The following RFC3 variants were observed in gnomAD, a reference collection of about 807,000 sequenced individuals.
The protein encoded by RFC3 is replication factor C subunit 3.
RFC3 carries 41 observed loss-of-function variants against 45.1 expected under a neutral mutation model. The observed-to-expected ratio is 0.91, with a 90% CI of 0.71 to 1.18. RFC3 has a LOEUF of 1.18. Ranked by LOEUF, RFC3 falls within the 50% of genes most tolerant of loss-of-function variation. The pLI is 0.00. For synonymous variants in RFC3, 149 were observed against 144.0 expected (o/e 1.03, Z -0.25); for missense variants, 423 against 428.1 (o/e 0.99, Z 0.10).
chr13:33,843,608 C>T (rs1257400143), intron 8 of RFC3, among the ~76,000 whole-genome samples: 2 of 152,168 alleles, frequency 1.3e-5, no homozygotes, highest in African/African-American at 4.8e-5. Flanking sequence ...TTATGTGAGG[C>T]ACTATGCTAG....
chr13:33,829,298 TGTCTTCCAAA>T (rs1277405406), intron 4 of RFC3, among the ~76,000 whole-genome samples: 3 of 152,226 alleles, frequency 2.0e-5, no homozygotes, highest in African/African-American at 7.2e-5. Flanking sequence ...CTTGCACCAC[TGTCTTCCAAA>T]GTCTATTCCT....
chr13:33,827,553 T>C (rs1047915341), intron 4 of RFC3, among the ~76,000 whole-genome samples: 2 of 152,218 alleles, frequency 1.3e-5, no homozygotes, highest in Non-Finnish European at 2.9e-5. Flanking sequence ...TAATAATACC[T>C]GATTACAATT....
At chr13:33,958,286 G>T (rs181519638) in intron 8 of RFC3, among the ~76,000 whole-genome samples, 2 of 152,200 alleles carry the variant, frequency 1.3e-5, no homozygotes, top group Admixed American at 1.3e-4. Flanking sequence ...GGGCCAGGCC[G>T]TTTGGAGTGT....
At chr13:33,900,603 A>G (rs1235011188) in intron 8 of RFC3, among the ~76,000 whole-genome samples, 1 of 151,840 alleles carries the variant, frequency 6.6e-6, no homozygotes, top group African/African-American at 2.4e-5. Flanking sequence ...CTGGGGAAAC[A>G]CTCTAAGACA....
At chr13:33,885,978 T>C (rs2082518905) in intron 8 of RFC3, among the ~76,000 whole-genome samples, 1 of 151,926 alleles carries the variant, frequency 6.6e-6, no homozygotes, top group African/African-American at 2.4e-5. Context: ...GACATACAGG[T>C]AGATTTTCTG....
intron 8 of RFC3, among the ~76,000 whole-genome samples, chr13:33,866,335 C>A (rs1242042866): frequency 2.6e-5 from 4 of 152,156 alleles, no homozygotes; most frequent in Non-Finnish European, 5.9e-5. Flanking sequence ...GAGACCCAAG[C>A]AAGTACTAGC....
At chr13:33,869,026 A>G (rs1406872831) in intron 8 of RFC3, among the ~76,000 whole-genome samples, 1 of 152,186 alleles carries the variant, frequency 6.6e-6, no homozygotes, top group African/African-American at 2.4e-5. Context: ...GGCAGTGGCT[A>G]GTGTCAGAAT....
chr13:33,855,732 G>A (rs1454183507), intron 8 of RFC3, among the ~76,000 whole-genome samples: 1 of 152,106 alleles, frequency 6.6e-6, no homozygotes, highest in Non-Finnish European at 1.5e-5. Context: ...GATCAGTGAT[G>A]CTGAACTTTT....
intron 8 of RFC3, among the ~76,000 whole-genome samples, chr13:33,876,253 A>C (rs1455707189): frequency 6.6e-6 from 1 of 152,228 alleles, no homozygotes; most frequent in Non-Finnish European, 1.5e-5. Context: ...ATACAGCTGA[A>C]GATACAGCTG....
At chr13:33,903,678 C>T (rs528681509) in intron 8 of RFC3, among the ~76,000 whole-genome samples, 2 of 152,088 alleles carry the variant, frequency 1.3e-5, no homozygotes, top group African/African-American at 4.8e-5. Context: ...TGAGATTTAG[C>T]CCAGACCTTT....
At chr13:33,847,411 G>A (rs538991045) in intron 8 of RFC3, 1 of 152,200 alleles carries the variant, frequency 6.6e-6, no homozygotes, top group South Asian at 2.1e-4. Flanking sequence ...CGGTGGGGGA[G>A]GGGGATAATC....
In RFC3 at chr13:33,836,342, A is replaced by G. The variant is rs749457194; in HGVS notation, c.*47A>G. On this transcript the variant is annotated 3_prime_UTR_variant, in exon 9 of 9. Coordinates refer to ENST00000380071, the MANE Select transcript of RFC3 (RefSeq NM_002915.4). ...AAGATTTCTCAGTATCAGTATTTAC[A>G]TACAGCTTATATTAAAAGAGCTGTG... 3.8e-6 allele frequency: 6 copies of G among 1,591,500 alleles called. No individual in the cohort carries two copies. The highest frequency in any genetic ancestry group is 2.2e-5 in the South Asian group (2 of 89,348).
chr13:33,829,387 A>G (rs1219564067), intron 4 of RFC3, among the ~76,000 whole-genome samples: 2 of 152,228 alleles, frequency 1.3e-5, no homozygotes, highest in Non-Finnish European at 2.9e-5. Flanking sequence ...TTTTGGGGAA[A>G]TGCAGCACAG....
intron 8 of RFC3, among the ~76,000 whole-genome samples, chr13:33,938,184 C>CAAAAAAAAAAAAAAAAAAAAAAAAAAAA (rs34685731): frequency 2.8e-5 from 2 of 70,782 alleles, no homozygotes; most frequent in African/African-American, 5.8e-5. Flanking sequence ...AGTCCAACTG[C>CAAAAAAAAAAAAAAAAAAAAAAAAAAAA]AAAAAAAAAA....
intron 8 of RFC3, among the ~76,000 whole-genome samples, chr13:33,862,283 T>C (rs906254290): frequency 4.7e-4 from 65 of 137,490 alleles, no homozygotes; most frequent in East Asian, 1.0e-3. Context: ...GTCTGACACT[T>C]TATTTAGGTT....
At chr13:33,910,552 G>T (rs1208879625) in intron 8 of RFC3, among the ~76,000 whole-genome samples, 3 of 152,046 alleles carry the variant, frequency 2.0e-5, no homozygotes, top group Non-Finnish European at 4.4e-5. Flanking sequence ...ATCACCGAAG[G>T]CTTTCTGGAA....
intron 8 of RFC3, among the ~76,000 whole-genome samples, chr13:33,872,669 G>A (rs1014671210): frequency 6.6e-6 from 1 of 152,102 alleles, no homozygotes; most frequent in Non-Finnish European, 1.5e-5. Flanking sequence ...GGAGGTGGAG[G>A]TTGCGGTGAG....
intron 4 of RFC3, 72 bp from the exon 5 acceptor site, chr13:33,829,764 G>C: frequency 1.7e-6 from 2 of 1,158,766 alleles, no homozygotes; most frequent in Non-Finnish European, 2.6e-6. Context: ...TGGATAATGA[G>C]AAGGAAGAAA....
At chr13:33,818,583 T>C (rs890687039) in intron 1 of RFC3, among the ~76,000 whole-genome samples, 1 of 152,230 alleles carries the variant, frequency 6.6e-6, no homozygotes, top group Non-Finnish European at 1.5e-5. Context: ...GTGCACGGCA[T>C]GTTCTAAGAA....
Sources: allele counts gnomAD v4.1 joint callset (sites outside exome capture counted in the v4.1 genomes callset), GRCh38; gene constraint gnomAD v4.1.1; transcripts MANE v1.5; gene names NCBI Gene and HGNC (gene_info 2026-07-23, HGNC 2026-07-21).